MYO3B: variants seen among roughly 807,000 people sequenced by gnomAD.
MYO3B encodes myosin IIIB.
MYO3B carries 156 observed loss-of-function variants against 174.6 expected under a neutral mutation model. The observed-to-expected ratio is 0.89, with a 90% CI of 0.78 to 1.02. The LOEUF (loss-of-function observed/expected upper bound fraction) is 1.02, where lower values mean the gene tolerates loss of function less well. Among genes scored for constraint, MYO3B ranks in the 50% least tolerant of loss-of-function variants. MYO3B has a pLI of 0.00. For synonymous variants in MYO3B, 563 were observed against 569.1 expected, an observed-to-expected ratio of 0.99 and a Z score of 0.15; for missense variants, 1,632 against 1,639.4, an observed-to-expected ratio of 1.00 and a Z score of 0.08.
At chr2:170,429,055 ACTTTCTCAG>A (rs2094687672) in intron 22 of MYO3B, among the ~76,000 whole-genome samples, 1 of 152,204 alleles carries the variant, frequency 6.6e-6, no homozygotes, top group Non-Finnish European at 1.5e-5. Flanking sequence ...GCCCTGTGTA[ACTTTCTCAG>A]GCTTAAAAAC....
chr2:170,281,154 A>G (rs2093506174), intron 7 of MYO3B, among the ~76,000 whole-genome samples: 1 of 152,116 alleles, frequency 6.6e-6, no homozygotes, highest in Admixed American at 6.5e-5. Context: ...GATTTCTTTG[A>G]GCAGTGTTTT....
rs180851347 is a variant in MYO3B, at chr2:170,546,675, T to C, written c.3733+2687T>C. On this transcript the variant is annotated intron_variant, in intron 32 of 34. Coordinates refer to ENST00000408978, the MANE Select transcript of MYO3B (RefSeq NM_138995.5). ...CAAATTAGTTTTTCCGTTTCGCATA[T>C]ATTATCAGTTGTAGAAACAAGAATA... Among the ~76,000 whole-genome samples, 12 of 152,372 alleles carry C rather than the reference T, an allele frequency of 7.9e-5. No homozygotes were observed. The East Asian group carries it at 1.2e-3, about 15-fold the overall frequency.
intron 23 of MYO3B, 79 bp downstream of exon 23, chr2:170,444,125 A>C: frequency 1.5e-6 from 2 of 1,293,516 alleles, no homozygotes; most frequent in Non-Finnish European, 2.2e-6. Context: ...AGTGGGCAGC[A>C]TTAGTTCCCT....
At chr2:170,645,608 C>T (rs2105463878) in intron 32 of MYO3B, among the ~76,000 whole-genome samples, 1 of 152,146 alleles carries the variant, frequency 6.6e-6, no homozygotes, top group Non-Finnish European at 1.5e-5. Context: ...GGCCCAAAAT[C>T]CAAAAGACAG....
chr2:170,424,866 T>C (rs1461908393), intron 22 of MYO3B, among the ~76,000 whole-genome samples: 2 of 152,222 alleles, frequency 1.3e-5, no homozygotes, highest in Non-Finnish European at 2.9e-5. Flanking sequence ...ATTTTTCGAA[T>C]GGTCAGAATA....
chr2:170,188,787 T>C (rs1293039754), intron 1 of MYO3B, among the ~76,000 whole-genome samples: 1 of 152,200 alleles, frequency 6.6e-6, no homozygotes, highest in Non-Finnish European at 1.5e-5. Flanking sequence ...TTTTTGGCTG[T>C]TCATATCTTA....
intron 7 of MYO3B, 110 bp from the exon 8 acceptor site, chr2:170,335,275 C>A: frequency 1.2e-6 from 1 of 836,218 alleles, no homozygotes; most frequent in Admixed American, 2.4e-5. Context: ...CATATGAGAA[C>A]AAACAGATTT....
At chr2:170,472,530 C>G (rs1685033974) in intron 25 of MYO3B, among the ~76,000 whole-genome samples, 1 of 152,160 alleles carries the variant, frequency 6.6e-6, no homozygotes, top group Admixed American at 6.5e-5. Context: ...CTGTGATACC[C>G]TCCTTGACTT....
intron 25 of MYO3B, among the ~76,000 whole-genome samples, chr2:170,494,146 G>A (rs911494647): frequency 1.3e-5 from 2 of 152,220 alleles, no homozygotes; most frequent in Non-Finnish European, 2.9e-5. Flanking sequence ...GATCCTTCCA[G>A]TTTATGATTC....
chr2:170,520,400 A>G (rs1443930349), intron 30 of MYO3B, among the ~76,000 whole-genome samples: 2 of 151,918 alleles, frequency 1.3e-5, no homozygotes, highest in Non-Finnish European at 2.9e-5. Context: ...CCAGCCTAGG[A>G]AATATAGTTA....
At position 170,199,350 on chromosome 2, in the gene MYO3B, G is replaced by A. The variant is rs766370632; in HGVS notation, c.145G>A (p.Asp49Asn). 6 of 1,612,788 alleles carry A rather than the reference G, an allele frequency of 3.7e-6. No individual in the cohort carries two copies. Among genetic ancestry groups the A allele is most frequent in the Non-Finnish European group, 5.1e-6 (6 of 1,179,492 alleles). Residue 49 changes from aspartate to asparagine, a missense_variant, in exon 2 of 35, where the codon GAT becomes AAT. Physicochemically the swap from Asp to Asn is conservative, Grantham distance 23. Coordinates refer to ENST00000408978, the MANE Select transcript of MYO3B (RefSeq NM_138995.5). The part of the protein sequence containing the change: ...GKVYKVTNKR[D>N]GSLAAVKILD... Reference sequence around the variant, plus strand: ...AGTCTACAAGGTAACTAACAAGAGAGATGGGAGCCTGGCTGCAGTGAAAAT... The same window carrying A: ...AGTCTACAAGGTAACTAACAAGAGAAATGGGAGCCTGGCTGCAGTGAAAAT...
chr2:170,272,647 C>A (rs1685334743), intron 7 of MYO3B, among the ~76,000 whole-genome samples: 1 of 152,122 alleles, frequency 6.6e-6, no homozygotes, highest in African/African-American at 2.4e-5. Context: ...AGAACTTAAT[C>A]CCCCGTGTCA....
rs1287952882 is a variant in MYO3B at position 170,653,010 on chromosome 2, T to G, written c.3915T>G (p.Asp1305Glu). The G allele has an allele frequency of 1.9e-6, 3 of 1,614,204 alleles. No homozygotes were observed. In the Admixed American group the frequency reaches 5.0e-5, roughly 27 times the overall value. Residue 1305 changes from aspartate (D) to glutamate (E), a missense_variant, in exon 35 of 35, where the codon GAT becomes GAG. Coordinates refer to ENST00000408978, the MANE Select transcript of MYO3B (RefSeq NM_138995.5). Reference sequence around the variant, plus strand: ...AAATCAAAGTACTTGATGGGGAAGATGAATATTACAAATCTCTGTCACCAG... The same window carrying G: ...AAATCAAAGTACTTGATGGGGAAGAGGAATATTACAAATCTCTGTCACCAG... ...LGQIKVLDGE[D>E]EYYKSLSPVD...
At chr2:170,230,859 T>G (rs1409487955) in intron 6 of MYO3B, among the ~76,000 whole-genome samples, 1 of 152,144 alleles carries the variant, frequency 6.6e-6, no homozygotes, top group African/African-American at 2.4e-5. Flanking sequence ...AGGGGTTGCT[T>G]GGTTTGCTTG....
intron 32 of MYO3B, among the ~76,000 whole-genome samples, chr2:170,596,783 G>T (rs1421400673): frequency 6.6e-6 from 1 of 152,216 alleles, no homozygotes; most frequent in Non-Finnish European, 1.5e-5. Flanking sequence ...TGAATTAGGT[G>T]AAAGAAGCCA....
chr2:170,491,890 C>A (rs1686506465), intron 25 of MYO3B, among the ~76,000 whole-genome samples: 1 of 152,074 alleles, frequency 6.6e-6, no homozygotes, highest in African/African-American at 2.4e-5. Flanking sequence ...CCTGTCTCTA[C>A]TAAAAATACA....
intron 7 of MYO3B, among the ~76,000 whole-genome samples, chr2:170,292,840 G>A (rs4668238): frequency 0.68 from 102,944 of 152,036 alleles, 35,005 homozygotes; most frequent in Admixed American, 0.73. Context: ...TTCCAGGAAT[G>A]AGTATGGTAG....
rs1471004209 is a variant in MYO3B, at chr2:170,569,589, A to T, written c.3733+25601A>T. ...TAGGAAACCGAGAGTTGGCTGGGTG[A>T]GGTGGCTCACACCTGTAATCCCAAC... On this transcript the variant is annotated intron_variant, in intron 32 of 34. Transcript: ENST00000408978. Among the ~76,000 whole-genome samples the T allele has an allele frequency of 4.7e-5, 7 of 147,830 alleles. No homozygotes were observed. In the East Asian group the frequency reaches 1.0e-3, roughly 22 times the overall value.
intron 3 of MYO3B, among the ~76,000 whole-genome samples, chr2:170,207,262 C>T (rs999040601): frequency 3.9e-5 from 6 of 152,130 alleles, no homozygotes; most frequent in African/African-American, 1.4e-4. Flanking sequence ...GTCAGATCTC[C>T]CTCAGAGGCC....
Sources: gnomAD v4.1 joint callset for allele counts (sites outside exome capture counted in the v4.1 genomes callset) on GRCh38, gnomAD v4.1.1 for gene constraint, MANE v1.5 for transcripts, NCBI Gene and HGNC (gene_info 2026-07-23, HGNC 2026-07-21) for gene names.